The following POSTN variants were observed in gnomAD, a reference collection of about 807,000 sequenced individuals.
POSTN encodes the protein osteoblast specific factor 2 (fasciclin I-like).
A neutral mutation model predicts 104.5 loss-of-function variants in POSTN; 71 were observed. That is an observed-to-expected ratio of 0.68 (90% CI 0.56 to 0.83). The LOEUF is 0.83. Among genes scored for constraint, POSTN ranks in the 40% least tolerant of loss-of-function variants. POSTN has a pLI of 0.00. For synonymous variants in POSTN, 355 were observed against 340.7 expected (o/e 1.04, Z -0.46); for missense variants, 949 against 1,006.8 (o/e 0.94, Z 0.78).
chr13:37,582,489 G>A lies in POSTN; in HGVS notation c.1269C>T (p.Arg423=), dbSNP rs1172581367. The part of the protein sequence containing the change: ...FSDDTLSMDQ[R]LLKLILQNHI... ...GATTCTGCAGAATTAATTTAAGGAG[G>A]CGCTGATCCATGCTGAGAGTATCAT... Residue 423 remains arginine (R), a synonymous_variant, in exon 10 of 23, where the codon CGC becomes CGT. Transcript: ENST00000379747. 2 of 1,611,482 alleles carry A rather than the reference G, an allele frequency of 1.2e-6. No individual in the cohort carries two copies. The highest frequency in any genetic ancestry group is 1.3e-5 in the African/African-American group (1 of 74,720).
chr13:37,577,702 T>G (rs757296611), intron 16 of POSTN, 51 bp downstream of exon 16: 27 of 1,596,120 alleles, frequency 1.7e-5, no homozygotes, highest in Non-Finnish European at 2.2e-5. Context: ...TGTATTGTTT[T>G]CTTTTTTCAT....
intron 2 of POSTN, among the ~76,000 whole-genome samples, chr13:37,594,869 C>T (rs988315480): frequency 6.6e-6 from 1 of 152,090 alleles, no homozygotes; most frequent in African/African-American, 2.4e-5. Flanking sequence ...GTCTTCCTGT[C>T]AATAGTATTG....
rs954568632 is a variant in POSTN at position 37,594,142 on chromosome 13, G to T, written c.219-1978C>A. 4.6e-5 allele frequency among the ~76,000 whole-genome samples: 7 copies of T among 151,946 alleles called. No homozygotes were observed. The South Asian group carries it at 6.2e-4, about 14-fold the overall frequency. The stretch of plus-strand genomic sequence containing the variant: ...GCTCTTGTAAATAAATCTAATTATT[G>T]GATGTCAAAAGATTGATTAACAATT... On this transcript the variant is annotated intron_variant, in intron 2 of 22. Coordinates refer to ENST00000379747, the MANE Select transcript of POSTN (RefSeq NM_006475.3).
chr13:37,563,282 C>A lies in POSTN; in HGVS notation c.*51G>T. On this transcript the variant is annotated 3_prime_UTR_variant, in exon 23 of 23. Transcript: ENST00000379747. The stretch of plus-strand genomic sequence containing the variant: ...CTTGGCTCTCACAATTTTCTAAGGT[C>A]AGGTTATTGACTTAGGGTTGTATAA... 4 of 1,325,290 alleles carry A rather than the reference C, an allele frequency of 3.0e-6. No individual in the cohort carries two copies. Among genetic ancestry groups the A allele is most frequent in the Non-Finnish European group, 4.2e-6 (4 of 951,588 alleles). The allele number at this position is 1,325,290 out of a possible 1,614,324, so 82.1% of individuals were successfully genotyped here.
chr13:37,590,711 T>C (rs1431954102), intron 3 of POSTN, among the ~76,000 whole-genome samples, 182 bp from the exon 4 acceptor site: 6 of 151,912 alleles, frequency 3.9e-5, no homozygotes, highest in Non-Finnish European at 5.9e-5. Flanking sequence ...AAAATGCTAC[T>C]GAAAAACATT....
At chr13:37,590,566 A>G in intron 3 of POSTN, 37 bp from the exon 4 acceptor site, 5 of 1,505,920 alleles carry the variant, frequency 3.3e-6, no homozygotes, top group Non-Finnish European at 3.6e-6. Context: ...ACTGGGGATA[A>G]TATTCTCAGG....
rs200187527 is a variant in POSTN at position 37,592,131 on chromosome 13, C to T, written c.252G>A (p.Met84Ile). ...GGCAGCCTTTCATTCCTTCCATTCT[C>T]ATATAACCAGGGCAACATTCATATA... ...TVLYECCPGY[M>I]RMEGMKGCPA... Residue 84 changes from methionine (M) to isoleucine (I), a missense_variant, in exon 3 of 23, where the codon ATG becomes ATA. Coordinates refer to ENST00000379747, the MANE Select transcript of POSTN (RefSeq NM_006475.3). 2 of 1,607,666 alleles carry T rather than the reference C, an allele frequency of 1.2e-6. No homozygotes were observed. Among genetic ancestry groups the T allele is most frequent in the East Asian group, 2.2e-5 (1 of 44,808 alleles).
chr13:37,595,602 A>G (rs913489954), intron 2 of POSTN, among the ~76,000 whole-genome samples: 1 of 152,186 alleles, frequency 6.6e-6, no homozygotes, highest in Non-Finnish European at 1.5e-5. Context: ...TCAAATAGGC[A>G]TCTGGTCACA....
rs149922942 is a variant in POSTN at position 37,577,766 on chromosome 13, G to A, written c.1995C>T (p.Pro665=). Residue 665 remains proline, a synonymous_variant, in exon 16 of 23, where the codon CCC becomes CCT. Coordinates refer to ENST00000379747, the MANE Select transcript of POSTN (RefSeq NM_006475.3). ...FVRGSTFKEI[P]VTVYTTKIIT... ...TTATATACTTACTATAGACAGTCAC[G>A]GGGATTTCTTTGAAGGTGCTACCAC... 75 of 1,613,222 alleles carry A rather than the reference G, an allele frequency of 4.6e-5. No homozygotes were observed. The East Asian group carries it at 1.2e-3, about 26-fold the overall frequency.
chr13:37,570,502 G>T, intron 19 of POSTN, 78 bp downstream of exon 19: 4 of 951,524 alleles, frequency 4.2e-6, no homozygotes, highest in South Asian at 1.6e-5. Context: ...TTTCTTTAAT[G>T]ATTCTTATAT....
At chr13:37,567,657 C>T (rs1005685756) in intron 21 of POSTN, among the ~76,000 whole-genome samples, 2 of 151,864 alleles carry the variant, frequency 1.3e-5, no homozygotes, top group African/African-American at 4.8e-5. Flanking sequence ...TTGTGAAAAC[C>T]GATGCCTTAC....
In POSTN at chr13:37,563,288, A is replaced by G. The variant is rs746777477; in HGVS notation, c.*45T>C. On this transcript the variant is annotated 3_prime_UTR_variant, in exon 23 of 23. Transcript: ENST00000379747. Reference sequence around the variant, plus strand: ...TCTCACAATTTTCTAAGGTCAGGTTATTGACTTAGGGTTGTATAAACATTT... The same window carrying G: ...TCTCACAATTTTCTAAGGTCAGGTTGTTGACTTAGGGTTGTATAAACATTT... 1.4e-6 allele frequency: 2 copies of G among 1,414,702 alleles called. No homozygotes were observed. The highest frequency in any genetic ancestry group is 1.3e-5 in the South Asian group (1 of 75,512). The allele number at this position is 1,414,702 out of a possible 1,614,324, so 87.6% of individuals were successfully genotyped here.
chr13:37,576,201 G>A (rs1456548073), intron 16 of POSTN, among the ~76,000 whole-genome samples: 1 of 151,922 alleles, frequency 6.6e-6, no homozygotes, highest in Non-Finnish European at 1.5e-5. Flanking sequence ...TGTTATTTTG[G>A]GGATGAGGAT....
intron 2 of POSTN, among the ~76,000 whole-genome samples, chr13:37,592,744 A>T (rs1486258433): frequency 6.6e-6 from 1 of 152,174 alleles, no homozygotes; most frequent in Non-Finnish European, 1.5e-5. Flanking sequence ...AAGTCATTTA[A>T]TCAATAGGAG....
intron 15 of POSTN, among the ~76,000 whole-genome samples, 198 bp from the exon 16 acceptor site, chr13:37,577,996 C>CA (rs2138245879): frequency 6.6e-6 from 1 of 151,914 alleles, no homozygotes; most frequent in Admixed American, 6.6e-5. Context: ...ATTCATTACT[C>CA]AGAGATTTAA....
At chr13:37,593,011 T>C (rs1950987186) in intron 2 of POSTN, among the ~76,000 whole-genome samples, 1 of 146,672 alleles carries the variant, frequency 6.8e-6, no homozygotes, top group Non-Finnish European at 1.5e-5. Context: ...TGTATTATAT[T>C]ATATATAAAC....
At chr13:37,576,425 C>T (rs866098016) in intron 16 of POSTN, among the ~76,000 whole-genome samples, 1 of 152,014 alleles carries the variant, frequency 6.6e-6, no homozygotes, top group Non-Finnish European at 1.5e-5. Flanking sequence ...GACCATTGAA[C>T]ATGTGTGTCT....
chr13:37,590,986 T>G (rs1041923597), intron 3 of POSTN, among the ~76,000 whole-genome samples: 1 of 152,198 alleles, frequency 6.6e-6, no homozygotes, highest in African/African-American at 2.4e-5. Flanking sequence ...AGAAGAAAGA[T>G]TCATGAATGA....
In POSTN at chr13:37,590,540, C is replaced by A. The variant is rs767383187; in HGVS notation, c.284-11G>T. 6.2e-7 allele frequency: 1 copy of A among 1,605,048 alleles called. No individual in the cohort carries two copies. Among genetic ancestry groups the A allele is most frequent in the South Asian group, 1.1e-5 (1 of 90,092 alleles). On this transcript the variant is annotated splice_polypyrimidine_tract_variant and intron_variant, in intron 3 of 22. Transcript: ENST00000379747. ...GGTCAATGGGCAAAACTGAAATAAT[C>A]AAGAAATGAATCAGTACTGGGGATA...
Sources: allele counts gnomAD v4.1 joint callset (sites outside exome capture counted in the v4.1 genomes callset), GRCh38; gene constraint gnomAD v4.1.1; transcripts MANE v1.5; gene names NCBI Gene and HGNC (gene_info 2026-07-23, HGNC 2026-07-21).